The following AGAP1 variants were observed in gnomAD, a reference collection of about 807,000 sequenced individuals.
AGAP1 encodes arf-GAP with GTPase, ANK repeat and PH domain-containing protein 1.
Under a neutral mutation model 105.3 loss-of-function variants are expected in AGAP1, and 29 were observed. That is an observed-to-expected ratio of 0.28 (90% CI 0.21 to 0.38). The LOEUF (loss-of-function observed/expected upper bound fraction) is 0.38. Ranked by LOEUF, AGAP1 falls within the 10% of genes least tolerant of loss-of-function variation. The probability of loss-of-function intolerance (pLI) is 1.00; values close to 1 mark genes in which losing one functional copy is unlikely to be tolerated. For missense variants in AGAP1, 998 were observed against 1,165.1 expected, an observed-to-expected ratio of 0.86 and a Z score of 2.09; for synonymous variants, 509 against 485.9, an observed-to-expected ratio of 1.05 and a Z score of -0.63.
At chr2:235,899,906 G>C (rs2050984957) in intron 10 of AGAP1, among the ~76,000 whole-genome samples, 1 of 152,318 alleles carries the variant, frequency 6.6e-6, no homozygotes, top group East Asian at 1.9e-4. Context: ...CAATACAGTA[G>C]GTCAGTCAAG....
chr2:236,115,138 A>G (rs1479063665), intron 16 of AGAP1, among the ~76,000 whole-genome samples: 1 of 152,232 alleles, frequency 6.6e-6, no homozygotes, highest in African/African-American at 2.4e-5. Context: ...CCGTGCCACC[A>G]GCACTTCCCC....
intron 10 of AGAP1, among the ~76,000 whole-genome samples, chr2:235,884,500 G>T (rs547211048): frequency 1.4e-5 from 2 of 142,536 alleles, no homozygotes; most frequent in Non-Finnish European, 3.0e-5. Context: ...TCCCAGGCTG[G>T]AGTGCAGTGG....
Position 235,566,792 on chromosome 2 carries a change from C to T in AGAP1, c.163+71943C>T, listed in dbSNP as rs7570386. On this transcript the variant is annotated intron_variant, in intron 1 of 17. Transcript: ENST00000304032. This position sits in a 1 kb window ranked among gnomAD's most constrained non-coding sequence, Gnocchi z 5.2. ...CCCCGTGTTAGTTTCCTGTGGCTGC[C>T]GTAACAGCCACAAACTAGGTGGCTT... Among the ~76,000 whole-genome samples the T allele has an allele frequency of 0.074, 11,245 of 152,182 alleles. 1,191 individuals carry two copies. Among genetic ancestry groups the T allele is most frequent in the East Asian group, 0.32 (1,662 of 5,158 alleles).
rs9287595 is a variant in AGAP1, at chr2:236,078,037, TTGTGTG to T, written c.2114+28788_2114+28793del. 1.2e-3 allele frequency among the ~76,000 whole-genome samples: 167 copies of T among 140,502 alleles called. No individual in the cohort carries two copies. The highest frequency in any genetic ancestry group is 3.2e-3 in the African/African-American group (119 of 37,754). 92.2% of individuals were successfully genotyped at this position (140,502 alleles called of 152,430 possible). A position where few individuals can be genotyped will look rare whatever the true frequency, so the allele number is the denominator to read the frequency against. On this transcript the variant is annotated intron_variant, in intron 16 of 17. Transcript: ENST00000304032. The surrounding 1 kb of genome is among the most constrained non-coding windows in gnomAD (Gnocchi z 5.3). The stretch of plus-strand genomic sequence containing the variant: ...AGGGTTCTCCAGAGAAACAACCAAT[TTGTGTG>T]TGTGTGTGTGTGTGTGTGTGTGTGT...
chr2:236,065,827 C>G (rs951443268), intron 16 of AGAP1, among the ~76,000 whole-genome samples: 7 of 152,244 alleles, frequency 4.6e-5, no homozygotes, highest in African/African-American at 1.7e-4. Flanking sequence ...TTCAGCAAAG[C>G]CTTCCAGAGT....
In AGAP1 at chr2:235,880,306, G is replaced by T. The variant is rs543754468; in HGVS notation, c.1051-3039G>T. Among the ~76,000 whole-genome samples the T allele has an allele frequency of 9.2e-5, 14 of 152,144 alleles. No individual in the cohort carries two copies. The East Asian group carries it at 2.3e-3, about 25-fold the overall frequency. ...CCAGAAGAGTGGTGCAAATCCATCC[G>T]CGTGGAGCCCCGAGGGTGTGCGCCG... is the stretch of plus-strand genomic sequence containing the variant. On this transcript the variant is annotated intron_variant, in intron 9 of 17. Transcript: ENST00000304032.
chr2:235,973,126 G>A lies in AGAP1; in HGVS notation c.1645+4503G>A, dbSNP rs1431163241. On this transcript the variant is annotated intron_variant, in intron 13 of 17. Coordinates refer to ENST00000304032, the MANE Select transcript of AGAP1 (RefSeq NM_001037131.3). This position sits in a 1 kb window ranked among gnomAD's most constrained non-coding sequence, Gnocchi z 4.7. ...ACCCAGAAACACTGTGTCTACACGGGGCTGTCAGGGTGACCGATGGAAATT... is the reference window on the plus strand; with the variant it reads ...ACCCAGAAACACTGTGTCTACACGGAGCTGTCAGGGTGACCGATGGAAATT... Among the ~76,000 whole-genome samples the A allele has an allele frequency of 6.6e-6, 1 of 152,170 alleles. No homozygotes were observed. Among genetic ancestry groups the A allele is most frequent in the African/African-American group, 2.4e-5 (1 of 41,444 alleles).
At chr2:235,613,979 A>C (rs947560966) in intron 1 of AGAP1, among the ~76,000 whole-genome samples, 5 of 150,058 alleles carry the variant, frequency 3.3e-5, no homozygotes, top group African/African-American at 1.2e-4. Context: ...AATATTGTGC[A>C]TGAGTCAGAA....
At chr2:236,091,391 A>G (rs774238471) in intron 16 of AGAP1, among the ~76,000 whole-genome samples, 18 of 152,164 alleles carry the variant, frequency 1.2e-4, no homozygotes, top group African/African-American at 2.2e-4. Flanking sequence ...TCTGCTCTGG[A>G]AAACAGTTTT....
chr2:236,048,957 C>T (rs912599341), intron 15 of AGAP1, 102 bp from the exon 16 acceptor site: 44 of 1,129,988 alleles, frequency 3.9e-5, no homozygotes, highest in Admixed American at 2.4e-4. Context: ...GTGGTTCTGT[C>T]GTTGTGAAGT....
rs116729873 is a variant in AGAP1 at position 235,713,932 on chromosome 2, G to A, written c.223-3625G>A. On this transcript the variant is annotated intron_variant, in intron 2 of 17. Coordinates refer to ENST00000304032, the MANE Select transcript of AGAP1 (RefSeq NM_001037131.3). ...TTTCTCAGGCCTCTTCTACAAGGGC[G>A]CTAATCTGCTCCCACAACTGCCACA... Among the ~76,000 whole-genome samples, 466 of 152,264 alleles carry A rather than the reference G, an allele frequency of 3.1e-3. 1 individual carries two copies. Among genetic ancestry groups the A allele is most frequent in the African/African-American group, 0.01 (427 of 41,566 alleles).
intron 16 of AGAP1, among the ~76,000 whole-genome samples, chr2:236,068,558 T>C (rs1345535555): frequency 3.3e-5 from 5 of 151,960 alleles, no homozygotes; most frequent in African/African-American, 4.8e-5. Context: ...CCCAGCACTT[T>C]CGGAGGCCGA....
rs1266174048 is a variant in AGAP1, at chr2:236,092,266, C to T, written c.2115-27926C>T. ...CCACAAGGAAAATCGGAAATGTGGACAAGCCAGGTGGGTTGTATCCATATC... is the reference window on the plus strand; with the variant it reads ...CCACAAGGAAAATCGGAAATGTGGATAAGCCAGGTGGGTTGTATCCATATC... On this transcript the variant is annotated intron_variant, in intron 16 of 17. Transcript: ENST00000304032. This position sits in a 1 kb window ranked among gnomAD's most constrained non-coding sequence, Gnocchi z 4.7. Among the ~76,000 whole-genome samples, 1 of 152,202 alleles carries T rather than the reference C, an allele frequency of 6.6e-6. No individual in the cohort carries two copies. Among genetic ancestry groups the T allele is most frequent in the East Asian group, 1.9e-4 (1 of 5,194 alleles).
At chr2:235,749,509 G>T (rs1953251214) in intron 5 of AGAP1, among the ~76,000 whole-genome samples, 1 of 151,998 alleles carries the variant, frequency 6.6e-6, no homozygotes, top group African/African-American at 2.4e-5. Flanking sequence ...CCCTGAGGGG[G>T]TCCATCAAAA....
chr2:235,666,406 G>A (rs995828150), intron 1 of AGAP1, among the ~76,000 whole-genome samples: 1 of 152,102 alleles, frequency 6.6e-6, no homozygotes, highest in Non-Finnish European at 1.5e-5. Flanking sequence ...TGACATGTCG[G>A]GAGCATGTGT....
rs1419252654 is a variant in AGAP1 at position 235,964,405 on chromosome 2, T to G, written c.1484-4057T>G. 6.6e-6 allele frequency among the ~76,000 whole-genome samples: 1 copy of G among 152,102 alleles called. No homozygotes were observed. Among genetic ancestry groups the G allele is most frequent in the Non-Finnish European group, 1.5e-5 (1 of 68,020 alleles). Reference sequence around the variant, plus strand: ...AAAGACAGTCACAGTGACCATTGTTTCCCATGGCCTGGCACCATACCTGGC... The same window carrying G: ...AAAGACAGTCACAGTGACCATTGTTGCCCATGGCCTGGCACCATACCTGGC... On this transcript the variant is annotated intron_variant, in intron 12 of 17. Transcript: ENST00000304032. The surrounding 1 kb of genome is among the most constrained non-coding windows in gnomAD (Gnocchi z 4.6).
chr2:235,604,926 G>T (rs1419810855), intron 1 of AGAP1, among the ~76,000 whole-genome samples: 1 of 152,010 alleles, frequency 6.6e-6, no homozygotes, highest in African/African-American at 2.4e-5. Flanking sequence ...TGTCCCCCGG[G>T]CTGGAGGGCA....
intron 6 of AGAP1, among the ~76,000 whole-genome samples, chr2:235,784,438 A>G (rs1474510234): frequency 2.6e-5 from 4 of 151,928 alleles, no homozygotes; most frequent in Non-Finnish European, 4.4e-5. Context: ...GCTGAACTCT[A>G]ATTAACACTT....
At chr2:235,561,160 A>G (rs1041287542) in intron 1 of AGAP1, among the ~76,000 whole-genome samples, 2 of 152,094 alleles carry the variant, frequency 1.3e-5, no homozygotes, top group African/African-American at 2.4e-5. Context: ...TGTGCTCTCT[A>G]TGTGAACACA....
Sources: gnomAD v4.1 joint callset for allele counts (sites outside exome capture counted in the v4.1 genomes callset) on GRCh38, gnomAD v4.1.1 for gene constraint, Gnocchi (gnomAD v3.1) non-coding constraint, MANE v1.5 for transcripts, NCBI Gene and HGNC (gene_info 2026-07-23, HGNC 2026-07-21) for gene names.